The following ABHD18 variants were observed in gnomAD, a reference collection of about 807,000 sequenced individuals.
The protein encoded by ABHD18 is abhydrolase domain containing 18.
In ABHD18, 55 loss-of-function variants were observed where a neutral mutation model predicts 65.9. That is an observed-to-expected ratio of 0.84 (90% CI 0.67 to 1.05). ABHD18 has a LOEUF of 1.05. ABHD18 is among the 50% of genes least tolerant of loss of function. The probability of loss-of-function intolerance (pLI) is 0.00; values close to 1 mark genes in which losing one functional copy is unlikely to be tolerated. For missense variants in ABHD18, 533 were observed against 558.5 expected (o/e 0.95, Z 0.46); for synonymous variants, 181 against 180.2 (o/e 1.00, Z -0.04).
intron 4 of ABHD18, among the ~76,000 whole-genome samples, chr4:128,004,451 CAAAAA>C (rs537283340): frequency 2.1e-5 from 3 of 144,742 alleles, no homozygotes; most frequent in African/African-American, 7.6e-5. Flanking sequence ...GACTCCATCT[CAAAAA>C]AAAAAGAAAA....
chr4:127,968,002 A>G (rs1237185969), intron 1 of ABHD18, among the ~76,000 whole-genome samples: 1 of 152,094 alleles, frequency 6.6e-6, no homozygotes, highest in Non-Finnish European at 1.5e-5. Context: ...CGGGCGGATC[A>G]CGAGGTCAGG....
intron 1 of ABHD18, among the ~76,000 whole-genome samples, chr4:127,980,897 A>G (rs980285869): frequency 3.3e-5 from 5 of 150,870 alleles, no homozygotes; most frequent in African/African-American, 7.3e-5. Flanking sequence ...ATACCTTCAT[A>G]TTGTTGAATT....
intron 11 of ABHD18, 81 bp downstream of exon 11, chr4:128,028,934 T>C: frequency 1.8e-6 from 2 of 1,140,402 alleles, no homozygotes; most frequent in Non-Finnish European, 2.4e-6. Flanking sequence ...CTCTATAAGA[T>C]AATTTTATAT....
intron 4 of ABHD18, among the ~76,000 whole-genome samples, chr4:127,991,430 G>C (rs990047682): frequency 2.0e-5 from 3 of 152,034 alleles, no homozygotes; most frequent in Non-Finnish European, 4.4e-5. Flanking sequence ...CAACATGTTG[G>C]GCAGGCTGGT....
chr4:127,969,594 G>T (rs1371500005), intron 1 of ABHD18, among the ~76,000 whole-genome samples: 2 of 152,022 alleles, frequency 1.3e-5, no homozygotes, highest in Non-Finnish European at 2.9e-5. Context: ...TTGTTCTTAG[G>T]TCCTTTCTTG....
chr4:128,031,177 G>T, intron 12 of ABHD18: 1 of 983,610 alleles, frequency 1.0e-6, no homozygotes, highest in Non-Finnish European at 1.2e-6. Context: ...TATGCTGGCT[G>T]GGCGCGGTGG....
chr4:127,981,650 A>G (rs547973598), intron 1 of ABHD18, among the ~76,000 whole-genome samples: 1 of 152,328 alleles, frequency 6.6e-6, no homozygotes, highest in East Asian at 1.9e-4. Flanking sequence ...TGGATGGATG[A>G]TAATTTATAG....
At chr4:127,968,412 C>A (rs1174414212) in intron 1 of ABHD18, among the ~76,000 whole-genome samples, 1 of 152,106 alleles carries the variant, frequency 6.6e-6, no homozygotes, top group Non-Finnish European at 1.5e-5. Flanking sequence ...TTAAAGTCTT[C>A]TTTTTTAGGT....
intron 12 of ABHD18, among the ~76,000 whole-genome samples, chr4:128,032,872 T>C (rs1758404394): frequency 6.6e-6 from 1 of 152,214 alleles, no homozygotes; most frequent in Non-Finnish European, 1.5e-5. Context: ...CACAAGCCCG[T>C]ATTGTAACTT....
At chr4:128,021,074 A>G (rs1311001403) in intron 9 of ABHD18, 63 bp from the exon 10 acceptor site, 1 of 1,019,458 alleles carries the variant, frequency 9.8e-7, no homozygotes, top group African/African-American at 1.6e-5. Context: ...AGTAATAATA[A>G]TAAAAGTATT....
At chr4:128,017,758 A>G (rs984593116) in intron 8 of ABHD18, among the ~76,000 whole-genome samples, 7 of 152,194 alleles carry the variant, frequency 4.6e-5, no homozygotes, top group African/African-American at 1.7e-4. Flanking sequence ...TAACTTTTCA[A>G]GTCTCAAGTA....
At chr4:127,976,779 C>T (rs933333374) in intron 1 of ABHD18, among the ~76,000 whole-genome samples, 2 of 152,168 alleles carry the variant, frequency 1.3e-5, no homozygotes, top group African/African-American at 2.4e-5. Context: ...CTGTGGCTCA[C>T]GTCCGTAATC....
rs1758851561 is a variant in ABHD18, at chr4:128,036,016, G to A, written c.*203G>A. The A allele has an allele frequency of 5.1e-6, 2 of 392,998 alleles. No individual in the cohort carries two copies. The highest frequency in any genetic ancestry group is 1.2e-4 in the South Asian group (1 of 8,454). The allele number at this position is 392,998 out of a possible 1,614,324, so 24.3% of individuals were successfully genotyped here. A position where few individuals can be genotyped will look rare whatever the true frequency, so the allele number is the denominator to read the frequency against. On this transcript the variant is annotated 3_prime_UTR_variant, in exon 13 of 13. Transcript: ENST00000645843. ...CAAGATAATATTTGAAGTAAATAATGTTAAAGTGTTTTTACTATTGTTTAT... is the reference window on the plus strand; with the variant it reads ...CAAGATAATATTTGAAGTAAATAATATTAAAGTGTTTTTACTATTGTTTAT...
chr4:127,986,572 A>G (rs1749993152), intron 3 of ABHD18, among the ~76,000 whole-genome samples: 1 of 152,216 alleles, frequency 6.6e-6, no homozygotes, highest in African/African-American at 2.4e-5. Context: ...TCTCTTGTGT[A>G]TACTGAAGAG....
chr4:128,023,195 T>C (rs191604792), intron 10 of ABHD18, among the ~76,000 whole-genome samples: 124 of 152,124 alleles, frequency 8.2e-4, no homozygotes, highest in African/African-American at 2.9e-3. Flanking sequence ...ACTGTAAACT[T>C]TACTCTTGTA....
chr4:128,033,637 G>A (rs1448208250), intron 12 of ABHD18, among the ~76,000 whole-genome samples: 4 of 149,676 alleles, frequency 2.7e-5, no homozygotes, highest in Admixed American at 2.0e-4. Context: ...CTGGGTTCAC[G>A]GCATTCTCAT....
intron 1 of ABHD18, among the ~76,000 whole-genome samples, chr4:127,972,520 CTTTTTTT>C (rs11286287): frequency 3.3e-5 from 2 of 60,872 alleles, no homozygotes; most frequent in African/African-American, 6.8e-5. Context: ...CAGATATACT[CTTTTTTT>C]TTTTTTTTTT....
chr4:127,977,198 C>T (rs1268350867), intron 1 of ABHD18, among the ~76,000 whole-genome samples: 2 of 151,920 alleles, frequency 1.3e-5, no homozygotes, highest in South Asian at 4.1e-4. Flanking sequence ...ACAAGCTGGG[C>T]GTGGTGGCTC....
In ABHD18 at chr4:127,978,899, T is replaced by C. The variant is rs1366800580; in HGVS notation, c.-17-4040T>C. ...GCACTTAACACTCCAACGAACCCAC[T>C]GTAAAGTTGAAAAATCGTAAGTTGA... On this transcript the variant is annotated intron_variant, in intron 1 of 12. Transcript: ENST00000645843. 2.2e-4 allele frequency among the ~76,000 whole-genome samples: 33 copies of C among 152,144 alleles called. No individual in the cohort carries two copies. The East Asian group carries it at 6.3e-3, about 29-fold the overall frequency.
Sources: allele counts gnomAD v4.1 joint callset (sites outside exome capture counted in the v4.1 genomes callset), GRCh38; gene constraint gnomAD v4.1.1; transcripts MANE v1.5; gene names NCBI Gene and HGNC (gene_info 2026-07-23, HGNC 2026-07-21).